The following CUX1 variants were observed in gnomAD, a reference collection of about 807,000 sequenced individuals.
CUX1 encodes the protein protein CASP.
Under a neutral mutation model 158.8 loss-of-function variants are expected in CUX1, and 31 were observed. That is an observed-to-expected ratio of 0.20 (90% CI 0.15 to 0.26). The LOEUF (loss-of-function observed/expected upper bound fraction) is 0.26, where lower values mean the gene tolerates loss of function less well. Ranked by LOEUF, CUX1 falls within the 10% of genes least tolerant of loss-of-function variation. The probability of loss-of-function intolerance (pLI) is 1.00; values close to 1 mark genes in which losing one functional copy is unlikely to be tolerated. For missense variants in CUX1, 1,589 were observed against 2,014.6 expected, an observed-to-expected ratio of 0.79 and a Z score of 4.04; for synonymous variants, 879 against 862.1, an observed-to-expected ratio of 1.02 and a Z score of -0.34.
intron 14 of CUX1, among the ~76,000 whole-genome samples, chr7:102,270,125 G>A (rs895928304): frequency 1.5e-4 from 23 of 152,230 alleles, no homozygotes; most frequent in Admixed American, 2.0e-4. Context: ...CGAAGATCGT[G>A]AAATTCATAA....
At chr7:102,149,117 C>T (rs1301356802) in intron 8 of CUX1, among the ~76,000 whole-genome samples, 1 of 152,226 alleles carries the variant, frequency 6.6e-6, no homozygotes, top group East Asian at 1.9e-4. Context: ...TGCCTCGCAA[C>T]CCCGAGAGAG....
chr7:101,844,242 C>A (rs887389242), intron 1 of CUX1, among the ~76,000 whole-genome samples: 2 of 150,634 alleles, frequency 1.3e-5, no homozygotes, highest in African/African-American at 4.9e-5. Flanking sequence ...CTGCATCTCC[C>A]TGGTTTGCAC....
intron 2 of CUX1, among the ~76,000 whole-genome samples, chr7:101,957,834 G>A (rs554628559): frequency 4.3e-4 from 66 of 152,156 alleles, no homozygotes; most frequent in African/African-American, 1.4e-3. Context: ...AAGACTCTTC[G>A]TACTTATTAA....
At chr7:102,183,034 G>A (rs1793266821) in intron 11 of CUX1, among the ~76,000 whole-genome samples, 1 of 152,112 alleles carries the variant, frequency 6.6e-6, no homozygotes. Flanking sequence ...GTTCTGATGG[G>A]TCCCATGGAG....
At chr7:101,920,552 C>T (rs1022333518) in intron 2 of CUX1, among the ~76,000 whole-genome samples, 19 of 152,306 alleles carry the variant, frequency 1.2e-4, no homozygotes, top group Non-Finnish European at 1.9e-4. Context: ...CGAGCCACTG[C>T]GCCCAGTTGA....
At position 102,029,232 on chromosome 7, in the gene CUX1, A is replaced by T. The variant is rs1230357995; in HGVS notation, c.189+1087A>T. On this transcript the variant is annotated intron_variant, in intron 3 of 23. Transcript: ENST00000292535. ...GGTCTCGATCTCCTGACCTCAGGTGATCCACCTGCTTTGACCTCCCAAAGT... is the reference window on the plus strand; with the variant it reads ...GGTCTCGATCTCCTGACCTCAGGTGTTCCACCTGCTTTGACCTCCCAAAGT... Among the ~76,000 whole-genome samples the T allele has an allele frequency of 2.6e-5, 4 of 152,100 alleles. No homozygotes were observed. In the East Asian group the frequency reaches 7.7e-4, roughly 29 times the overall value.
At chr7:102,224,321 C>A (rs1281264896) in intron 20 of CUX1, among the ~76,000 whole-genome samples, 1 of 152,186 alleles carries the variant, frequency 6.6e-6, no homozygotes, top group Non-Finnish European at 1.5e-5. Context: ...ATTCTCCTGC[C>A]TCTGCCTCCC....
At chr7:102,259,048 C>T (rs972406128), downstream of CUX1, among the ~76,000 whole-genome samples, 1 of 152,106 alleles carries the variant, frequency 6.6e-6, no homozygotes, top group Non-Finnish European at 1.5e-5. Flanking sequence ...ATGACTTGGT[C>T]GCATATTAAT....
chr7:102,074,824 G>A (rs925246588), intron 4 of CUX1, among the ~76,000 whole-genome samples: 1 of 152,190 alleles, frequency 6.6e-6, no homozygotes, highest in Admixed American at 6.5e-5. Context: ...TCTTTTGGCG[G>A]GTAGCATCAC....
chr7:102,086,075 T>G (rs1401793189), intron 4 of CUX1, among the ~76,000 whole-genome samples: 8 of 152,212 alleles, frequency 5.3e-5, no homozygotes, highest in African/African-American at 1.9e-4. Context: ...AATATTTTAT[T>G]AACTTTTAAA....
In CUX1 at chr7:102,201,620, G is replaced by A. The variant is rs781849121; in HGVS notation, c.2323G>A (p.Ala775Thr). 1 of 1,613,900 alleles carries A rather than the reference G, an allele frequency of 6.2e-7. No homozygotes were observed. The highest frequency in any genetic ancestry group is 8.5e-7 in the Non-Finnish European group (1 of 1,179,974). Reference protein sequence around the residue: ...KKPSAAPEAGASALPNPPALK... With the variant: ...KKPSAAPEAGTSALPNPPALK... ...GCCCTCCGCAGCTCCTGAGGCCGGT[G>A]CCTCTGCTCTGCCGAACCCCCCGGC... is the stretch of plus-strand genomic sequence containing the variant. Residue 775 changes from alanine (A) to threonine (T), a missense_variant, in exon 18 of 24, where the codon GCC (alanine) becomes ACC (threonine). By Grantham distance (58) the Ala-to-Thr change is moderately conservative. This residue lies in a region of CUX1 where 337 missense variants were observed against 409.3 expected (regional missense o/e 0.82). Transcript: ENST00000292535. The surrounding 1 kb of genome is among the most constrained non-coding windows in gnomAD (Gnocchi z 5.0).
At chr7:102,139,378 A>G (rs1304950027) in intron 8 of CUX1, among the ~76,000 whole-genome samples, 3 of 152,172 alleles carry the variant, frequency 2.0e-5, no homozygotes, top group African/African-American at 7.2e-5. Context: ...CAGAATTACA[A>G]TGACATTGTA....
At chr7:102,206,621 G>A (rs1411143138) in intron 20 of CUX1, among the ~76,000 whole-genome samples, 1 of 152,200 alleles carries the variant, frequency 6.6e-6, no homozygotes, top group Non-Finnish European at 1.5e-5. Context: ...GTTAGACCAG[G>A]TGCGGTGGCT....
exon 20 of CUX1, chr7:102,280,832 G>A (rs1554549067): frequency 1.2e-6 from 2 of 1,612,934 alleles, no homozygotes; most frequent in Non-Finnish European, 1.7e-6. Flanking sequence ...CTGAGCTTGA[G>A]TCCCTGGGAC....
Position 102,250,180 on chromosome 7 carries a change from T to C in CUX1, c.*1138T>C. On this transcript the variant is annotated 3_prime_UTR_variant, in exon 24 of 24. Coordinates refer to ENST00000292535, the MANE Select transcript of CUX1 (RefSeq NM_181552.4). ...GGAGGTTTAGGAGACAAGTTAGAAC[T>C]GTAGCATGTACCTGTTAATTTTGTT... is the stretch of plus-strand genomic sequence containing the variant. The C allele has an allele frequency of 1.0e-6, 1 of 985,492 alleles. No individual in the cohort carries two copies. Among genetic ancestry groups the C allele is most frequent in the Non-Finnish European group, 1.2e-6 (1 of 829,946 alleles). 61.0% of individuals were successfully genotyped at this position (985,492 alleles called of 1,614,324 possible).
At chr7:102,239,123 G>T (rs1799898188) in intron 22 of CUX1, among the ~76,000 whole-genome samples, 197 bp from the exon 23 acceptor site, 1 of 152,302 alleles carries the variant, frequency 6.6e-6, no homozygotes. Flanking sequence ...CTGACATCAA[G>T]TGATCTGCCT....
chr7:102,070,402 T>C lies in CUX1; in HGVS notation c.253T>C (p.Leu85=). The C allele has an allele frequency of 6.2e-7, 1 of 1,610,086 alleles. No homozygotes were observed. Among genetic ancestry groups the C allele is most frequent in the Non-Finnish European group, 8.5e-7 (1 of 1,178,810 alleles). ...AGCTTTCTTGAATGTCTACAAAAGA[T>C]TGATTGACGTCCCAGGTAAGCCCCG... ...EAAFLNVYKR[L]IDVPDPVPAL... Residue 85 remains leucine (L), a synonymous_variant, in exon 4 of 24, where the codon TTG becomes CTG. Coordinates refer to ENST00000292535, the MANE Select transcript of CUX1 (RefSeq NM_181552.4).
chr7:102,280,881 A>G, intron 20 of CUX1: 3 of 1,580,946 alleles, frequency 1.9e-6, no homozygotes, highest in Non-Finnish European at 1.7e-6. Context: ...GCCCCTACCC[A>G]CCCCCTCCCT....
chr7:101,890,214 C>T (rs969812379), intron 1 of CUX1, among the ~76,000 whole-genome samples: 12 of 152,116 alleles, frequency 7.9e-5, no homozygotes, highest in African/African-American at 2.9e-4. Context: ...CTGAAGCCGG[C>T]AGTGTTTAGA....
Sources: gnomAD v4.1 joint callset for allele counts (sites outside exome capture counted in the v4.1 genomes callset) on GRCh38, gnomAD v4.1.1 for gene constraint, gnomAD v4.1.1 regional missense constraint, Gnocchi (gnomAD v3.1) non-coding constraint, MANE v1.5 for transcripts, NCBI Gene and HGNC (gene_info 2026-07-23, HGNC 2026-07-21) for gene names.